MDH1B: variants seen among roughly 807,000 people sequenced by gnomAD.
MDH1B encodes malate dehydrogenase 1B, also known as putative malate dehydrogenase 1B.
MDH1B carries 60 observed loss-of-function variants against 61.4 expected under a neutral mutation model. The observed-to-expected ratio is 0.98, with a 90% confidence interval of 0.79 to 1.21. The LOEUF is 1.21. MDH1B is among the 50% of genes most tolerant of loss of function. The probability of loss-of-function intolerance (pLI) is 0.00; values close to 1 mark genes in which losing one functional copy is unlikely to be tolerated. For missense variants in MDH1B, 587 were observed against 632.1 expected, an observed-to-expected ratio of 0.93 and a Z score of 0.76; for synonymous variants, 236 against 218.7, an observed-to-expected ratio of 1.08 and a Z score of -0.70.
chr2:206,739,222 C>T (rs537753314), intron 11 of MDH1B, among the ~76,000 whole-genome samples: 1 of 151,790 alleles, frequency 6.6e-6, no homozygotes, highest in Admixed American at 6.6e-5. Flanking sequence ...TGAGACCAGC[C>T]TGGGAAACAT....
intron 9 of MDH1B, 130 bp downstream of exon 9, chr2:206,745,492 A>C (rs2105923399): frequency 4.1e-6 from 3 of 728,290 alleles, no homozygotes; most frequent in Middle Eastern, 5.3e-4. Context: ...TTAACAGTTT[A>C]TTTTGTCATT....
chr2:206,754,608 G>T (rs191780401), intron 5 of MDH1B, among the ~76,000 whole-genome samples: 1 of 152,098 alleles, frequency 6.6e-6, no homozygotes, highest in Admixed American at 6.5e-5. Flanking sequence ...GGAAACTGAC[G>T]CACTGAAAGA....
At chr2:206,741,487 A>G in intron 9 of MDH1B, 1 of 208,150 alleles carries the variant, frequency 4.8e-6, no homozygotes, top group Non-Finnish European at 9.7e-6. Flanking sequence ...GCCAGCAAAT[A>G]TAAAGCAGGA....
intron 5 of MDH1B, among the ~76,000 whole-genome samples, chr2:206,753,756 T>C (rs1273484974): frequency 6.6e-6 from 1 of 152,230 alleles, no homozygotes; most frequent in Non-Finnish European, 1.5e-5. Context: ...TCCTCCATTT[T>C]TCTTTTTTCT....
intron 5 of MDH1B, among the ~76,000 whole-genome samples, chr2:206,752,732 C>A (rs1559342009): frequency 6.6e-6 from 1 of 151,746 alleles, no homozygotes; most frequent in Non-Finnish European, 1.5e-5. Context: ...CCAAATTATG[C>A]TACAGAGAAT....
rs1445624242 is a variant in MDH1B, at chr2:206,757,034, A to G, written c.277T>C (p.Tyr93His). The G allele has an allele frequency of 6.2e-7, 1 of 1,612,968 alleles. No individual in the cohort carries two copies. The highest frequency in any genetic ancestry group is 8.5e-7 in the Non-Finnish European group (1 of 1,179,298). The change falls in exon 4 of 12, where the codon TAT becomes CAT. Residue 93 changes from tyrosine (Y) to histidine (H), a missense_variant. Transcript: ENST00000374412. ...NEFLEHAQLY[Y>H]DVTSSMTTEL... ...GTCGTCATGCTAGAGGTGACATCAT[A>G]GTAAAGCTAAATATTGGGAGAGAAA...
At position 206,738,450 on chromosome 2, in the gene MDH1B, C is replaced by T; in HGVS notation, c.*33G>A. Reference sequence around the variant, plus strand: ...ATTCTTTCTATGTTTATTGTGCTATCAAGTAATTATATATTTCATCCAATT... The same window carrying T: ...ATTCTTTCTATGTTTATTGTGCTATTAAGTAATTATATATTTCATCCAATT... On this transcript the variant is annotated 3_prime_UTR_variant, in exon 12 of 12. Coordinates refer to ENST00000374412, the MANE Select transcript of MDH1B (RefSeq NM_001039845.3). 1.3e-6 allele frequency: 2 copies of T among 1,484,930 alleles called. No individual in the cohort carries two copies. Among genetic ancestry groups the T allele is most frequent in the Non-Finnish European group, 1.8e-6 (2 of 1,083,166 alleles). 92.0% of individuals were successfully genotyped at this position (1,484,930 alleles called of 1,614,324 possible).
chr2:206,760,744 A>G (rs1689043512), intron 2 of MDH1B, among the ~76,000 whole-genome samples, 157 bp downstream of exon 2: 1 of 152,232 alleles, frequency 6.6e-6, no homozygotes, highest in Admixed American at 6.5e-5. Flanking sequence ...TATTATTTTG[A>G]GACTGGTAAG....
intron 5 of MDH1B, among the ~76,000 whole-genome samples, chr2:206,753,906 T>C (rs1286656850): frequency 6.6e-6 from 1 of 151,984 alleles, no homozygotes; most frequent in Admixed American, 6.6e-5. Flanking sequence ...CACCTTGTTT[T>C]AGATTCTTCT....
intron 7 of MDH1B, among the ~76,000 whole-genome samples, chr2:206,747,802 A>C (rs959811775): frequency 2.0e-5 from 3 of 151,870 alleles, no homozygotes; most frequent in African/African-American, 7.3e-5. Context: ...CACTGAAACA[A>C]TAGGGAAGAT....
chr2:206,748,885 TGAG>T, intron 7 of MDH1B, 132 bp downstream of exon 7: 1 of 654,816 alleles, frequency 1.5e-6, no homozygotes, highest in Non-Finnish European at 2.5e-6. Context: ...AATGAATGAA[TGAG>T]TATGAAATTG....
Position 206,760,949 on chromosome 2 carries a change from A to G in MDH1B, c.87T>C (p.Leu29=). 1.2e-6 allele frequency: 2 copies of G among 1,613,240 alleles called. No individual in the cohort carries two copies. The highest frequency in any genetic ancestry group is 1.7e-6 in the Non-Finnish European group (2 of 1,179,374). The change falls in exon 2 of 12, where the codon CTT becomes CTC. Residue 29 remains leucine, a synonymous_variant. Coordinates refer to ENST00000374412, the MANE Select transcript of MDH1B (RefSeq NM_001039845.3). ...TGATTTTATGTATCCGAAAATCAGG[A>G]AGATTCTTTTGTAAATAGTCTGCCA... is the stretch of plus-strand genomic sequence containing the variant. ...ELVADYLQKN[L]PDFRIHKITQ...
intron 9 of MDH1B, among the ~76,000 whole-genome samples, chr2:206,741,617 G>A (rs1042210870): frequency 6.6e-6 from 1 of 152,120 alleles, no homozygotes; most frequent in African/African-American, 2.4e-5. Flanking sequence ...ACTCAGACTG[G>A]CTCTCCTTGC....
intron 2 of MDH1B, 87 bp downstream of exon 2, chr2:206,760,814 G>T: frequency 1.4e-6 from 1 of 718,952 alleles, no homozygotes. Flanking sequence ...ATTCCTAGAA[G>T]CCAGTCTAAT....
At chr2:206,747,047 A>G (rs753538048) in intron 7 of MDH1B, among the ~76,000 whole-genome samples, 5 of 152,142 alleles carry the variant, frequency 3.3e-5, no homozygotes, top group Non-Finnish European at 5.9e-5. Context: ...GATTGACCAT[A>G]TTTATTACTA....
rs1553584058 is a variant in MDH1B at position 206,744,950 on chromosome 2, A to ATATAT, written c.1408+671_1408+672insATATA. Among the ~76,000 whole-genome samples the ATATAT allele has an allele frequency of 4.7e-5, 7 of 147,674 alleles. No individual in the cohort carries two copies. In the East Asian group the frequency reaches 6.0e-4, roughly 13 times the overall value. On this transcript the variant is annotated intron_variant, in intron 9 of 11. Coordinates refer to ENST00000374412, the MANE Select transcript of MDH1B (RefSeq NM_001039845.3). ...AATAAATAAATAAATAAATAAATAA[A>ATATAT]ATATATATATATATGTTGAAGTCCT...
In MDH1B at chr2:206,738,440, A is replaced by G; in HGVS notation, c.*43T>C. 7.0e-7 allele frequency: 1 copy of G among 1,425,744 alleles called. No homozygotes were observed. The allele number at this position is 1,425,744 out of a possible 1,614,324, so 88.3% of individuals were successfully genotyped here. On this transcript the variant is annotated 3_prime_UTR_variant, in exon 12 of 12. Transcript: ENST00000374412. ...ATTCATATAAATTCTTTCTATGTTT[A>G]TTGTGCTATCAAGTAATTATATATT...
rs1437398541 is a variant in MDH1B at position 206,749,110 on chromosome 2, A to G, written c.1126T>C (p.Leu376=). 6.2e-7 allele frequency: 1 copy of G among 1,614,114 alleles called. No individual in the cohort carries two copies. The highest frequency in any genetic ancestry group is 8.5e-7 in the Non-Finnish European group (1 of 1,179,946). Residue 376 remains leucine (L), a synonymous_variant, in exon 7 of 12, where the codon TTG becomes CTG. Transcript: ENST00000374412. ...TTTGRQFGGI[L]AAHSIATTLK... ...GTAGTGGCTATACTGTGTGCAGCCA[A>G]AATGCCTCCAAATTGTCTTCCTGTG...
In MDH1B at chr2:206,738,401, CCTT is replaced by C. The variant is rs879506652; in HGVS notation, c.*79_*81del. The C allele has an allele frequency of 7.6e-6, 8 of 1,058,278 alleles. No individual in the cohort carries two copies. The highest frequency in any genetic ancestry group is 1.1e-5 in the Non-Finnish European group (8 of 730,148). The allele number at this position is 1,058,278 out of a possible 1,614,324, so 65.6% of individuals were successfully genotyped here. ...GACATAAATCTTTCAAATTATTCTT[CCTT>C]AAATATAGACATTCATATAAATTCT... On this transcript the variant is annotated 3_prime_UTR_variant, in exon 12 of 12. Coordinates refer to ENST00000374412, the MANE Select transcript of MDH1B (RefSeq NM_001039845.3).
Sources: gnomAD v4.1 joint callset for allele counts (sites outside exome capture counted in the v4.1 genomes callset) on GRCh38, gnomAD v4.1.1 for gene constraint, MANE v1.5 for transcripts, NCBI Gene and HGNC (gene_info 2026-07-23, HGNC 2026-07-21) for gene names.